The following WDR77 variants were observed in gnomAD, a reference collection of about 807,000 sequenced individuals.
WDR77 encodes WD repeat domain 77, also known as methylosome protein WDR77.
Under a neutral mutation model 44.0 loss-of-function variants are expected in WDR77, and 31 were observed. The ratio of observed to expected loss-of-function variants is 0.70; its 90% confidence interval spans 0.53 to 0.95. The LOEUF is 0.95. Ranked by LOEUF, WDR77 falls within the 40% of genes least tolerant of loss-of-function variation. The pLI, the probability that WDR77 is intolerant of heterozygous loss-of-function variation, is 0.00. For missense variants in WDR77, 390 were observed against 423.9 expected (o/e 0.92, Z 0.70); for synonymous variants, 186 against 165.7 (o/e 1.12, Z -0.94).
At chr1:111,445,441 G>A (rs1471524131) in intron 4 of WDR77, among the ~76,000 whole-genome samples, 1 of 152,168 alleles carries the variant, frequency 6.6e-6, no homozygotes, top group Non-Finnish European at 1.5e-5. Flanking sequence ...GTGTACAAAA[G>A]ATGAATACAT....
At chr1:111,442,181 G>A in intron 8 of WDR77, 88 bp from the exon 9 acceptor site, 1 of 1,328,842 alleles carries the variant, frequency 7.5e-7, no homozygotes, top group Non-Finnish European at 1.1e-6. Flanking sequence ...CCACTGTAAA[G>A]TGACCCAGGA....
Position 111,446,915 on chromosome 1 carries a change from AAAAG to A in WDR77, c.493+176_493+179del, listed in dbSNP as rs1388505688. On this transcript the variant is annotated intron_variant, in intron 4 of 9. Transcript: ENST00000235090. ...TGCACTTGACTAGTCGAATTAAAAA[AAAAG>A]AAAGAAAGAAACAAGGAAATTGAGA... is the stretch of plus-strand genomic sequence containing the variant. 4 of 653,564 alleles carry A rather than the reference AAAAG, an allele frequency of 6.1e-6. 1 individual carries two copies. The highest frequency in any genetic ancestry group is 4.2e-5 in the South Asian group (2 of 47,368). The allele number at this position is 653,564 out of a possible 1,614,324, so 40.5% of individuals were successfully genotyped here.
At position 111,443,390 on chromosome 1, in the gene WDR77, G is replaced by A; in HGVS notation, c.624C>T (p.Cys208=). 1 of 1,552,266 alleles carries A rather than the reference G, an allele frequency of 6.4e-7. No individual in the cohort carries two copies. ...RCPKPASQIG[C]SAPGYLPTSL... is the part of the protein sequence containing the mutation. ...AGGTAGGAAGGTAGCCAGGCGCACTGCAGCCTGCAAAGGAGAGACGAGGGT... is the reference window on the plus strand; with the variant it reads ...AGGTAGGAAGGTAGCCAGGCGCACTACAGCCTGCAAAGGAGAGACGAGGGT... Residue 208 remains cysteine, a synonymous_variant, in exon 7 of 10, where the codon TGC becomes TGT. Coordinates refer to ENST00000235090, the MANE Select transcript of WDR77 (RefSeq NM_024102.4).
Position 111,444,120 on chromosome 1 carries a change from A to G in WDR77, c.498T>C (p.His166=), listed in dbSNP as rs140605549. 17 of 1,613,842 alleles carry G rather than the reference A, an allele frequency of 1.1e-5. No individual in the cohort carries two copies. The African/African-American group carries it at 2.3e-4, about 22-fold the overall frequency. The change falls in exon 5 of 10, where the codon CAT becomes CAC. Residue 166 remains histidine, a synonymous_variant. Transcript: ENST00000235090. ...CAGCAACACAAGTGACCTGAGCAGC[A>G]TGAGCTATAAAGGAGAGAGAAAGAG... The part of the protein sequence containing the change: ...QQVVLSSYRA[H]AAQVTCVAAS...
intron 1 of WDR77, 125 bp downstream of exon 1, chr1:111,448,930 G>T: frequency 6.5e-7 from 1 of 1,539,886 alleles, no homozygotes; most frequent in Non-Finnish European, 8.7e-7. Flanking sequence ...GCTGGGGACA[G>T]CTCGGTGACG....
intron 9 of WDR77, chr1:111,441,669 A>G: frequency 9.4e-7 from 1 of 1,065,148 alleles, no homozygotes; most frequent in Non-Finnish European, 1.2e-6. Flanking sequence ...GGAGGGAAGT[A>G]CAATTCAGGT....
At position 111,449,210 on chromosome 1, in the gene WDR77, C is replaced by G. The variant is rs866834195; in HGVS notation, c.-41G>C. 12 of 1,539,438 alleles carry G rather than the reference C, an allele frequency of 7.8e-6. No homozygotes were observed. In the Middle Eastern group the frequency reaches 1.5e-3, roughly 194 times the overall value. On this transcript the variant is annotated 5_prime_UTR_variant, in exon 1 of 10. Transcript: ENST00000235090. The stretch of plus-strand genomic sequence containing the variant: ...TCCAACCTAGACTCAAACTGGACGC[C>G]GGCCGGAGACTCCGCTCCGGCAGCA...
chr1:111,445,670 A>G (rs1652994785), intron 4 of WDR77, among the ~76,000 whole-genome samples: 1 of 152,264 alleles, frequency 6.6e-6, no homozygotes, highest in African/African-American at 2.4e-5. Flanking sequence ...AACTAACAAA[A>G]AGGCTGCATG....
chr1:111,448,617 A>G lies in WDR77; in HGVS notation c.301+2T>C, dbSNP rs1653158000. On this transcript the variant is annotated splice_donor_variant, in intron 2 of 9. Transcript: ENST00000235090. LOFTEE classifies it high-confidence loss of function. Reference sequence around the variant, plus strand: ...GGGGTGGATAATGGGATAGTGACTCACCTGAATCGGAGGCCACTAGAATAC... The same window carrying G: ...GGGGTGGATAATGGGATAGTGACTCGCCTGAATCGGAGGCCACTAGAATAC... 6.2e-7 allele frequency: 1 copy of G among 1,613,896 alleles called. No homozygotes were observed. The highest frequency in any genetic ancestry group is 8.5e-7 in the Non-Finnish European group (1 of 1,179,994).
chr1:111,443,324 A>G lies in WDR77; in HGVS notation c.690T>C (p.Phe230=). ...ATGAAGTCTGACACGCTGCCTTACC[A>G]AAGACAAAGACTTCACTTTGCTGAG... ...WHPQQSEVFV[F]GDENGTVSLV... The change falls in exon 7 of 10, where the codon TTT becomes TTC. Residue 230 remains phenylalanine (F), a splice_region_variant and synonymous_variant. Transcript: ENST00000235090. 6.4e-7 allele frequency: 1 copy of G among 1,551,542 alleles called. No individual in the cohort carries two copies. Among genetic ancestry groups the G allele is most frequent in the Non-Finnish European group, 8.7e-7 (1 of 1,146,938 alleles).
At chr1:111,443,988 C>G (rs1235797179) in intron 5 of WDR77, 66 bp downstream of exon 5, 3 of 1,612,848 alleles carry the variant, frequency 1.9e-6, no homozygotes, top group Admixed American at 3.3e-5. Context: ...CAGAAAGTCT[C>G]CCCACTAGAG....
chr1:111,447,332 G>A, intron 3 of WDR77, 103 bp downstream of exon 3: 1 of 1,545,136 alleles, frequency 6.5e-7, no homozygotes, highest in Non-Finnish European at 8.8e-7. Context: ...ATAAGTCACT[G>A]GATTCTTAGA....
In WDR77 at chr1:111,441,108, T is replaced by C. The variant is rs774547424; in HGVS notation, c.*122A>G. The C allele has an allele frequency of 2.8e-4, 305 of 1,105,438 alleles. 1 individual carries two copies. The highest frequency in any genetic ancestry group is 3.5e-4 in the Non-Finnish European group (292 of 838,562). The allele number at this position is 1,105,438 out of a possible 1,614,324, so 68.5% of individuals were successfully genotyped here. A position where few individuals can be genotyped will look rare whatever the true frequency, so the allele number is the denominator to read the frequency against. On this transcript the variant is annotated 3_prime_UTR_variant, in exon 10 of 10. Coordinates refer to ENST00000235090, the MANE Select transcript of WDR77 (RefSeq NM_024102.4). ...CCTCAGGCTGAGAGACGATGCCTAT[T>C]AACGGCACAGATCTAGCATATCAAC...
rs1653189744 is a variant in WDR77 at position 111,449,042 on chromosome 1, G to A, written c.115+13C>T. ...GGGGTAAGGGAGCTCCCAGGCCCGG[G>A]ATCTCGGCTCACCGGACCGGTACCG... On this transcript the variant is annotated intron_variant, in intron 1 of 9. Transcript: ENST00000235090. The A allele has an allele frequency of 1.9e-6, 3 of 1,572,540 alleles. No individual in the cohort carries two copies. The highest frequency in any genetic ancestry group is 2.6e-6 in the Non-Finnish European group (3 of 1,160,640).
At chr1:111,448,185 T>TGGG (rs1653131452) in intron 2 of WDR77, among the ~76,000 whole-genome samples, 1 of 147,218 alleles carries the variant, frequency 6.8e-6, no homozygotes, top group Non-Finnish European at 1.5e-5. Flanking sequence ...ATTCTGATTT[T>TGGG]AAAAAAAAAA....
chr1:111,440,947 A>C lies in WDR77; in HGVS notation c.*283T>G. On this transcript the variant is annotated 3_prime_UTR_variant, in exon 10 of 10. Transcript: ENST00000235090. ...GTGAGAGAGAGGCAGTGCTTAGGGA[A>C]GATGTAGGATGGATTTTTTTTATTC... The C allele has an allele frequency of 4.7e-6, 1 of 215,012 alleles. No individual in the cohort carries two copies. The highest frequency in any genetic ancestry group is 9.1e-6 in the Non-Finnish European group (1 of 110,090). 13.3% of individuals were successfully genotyped at this position (215,012 alleles called of 1,614,324 possible).
Position 111,449,054 on chromosome 1 carries a change from C to G in WDR77, c.115+1G>C. 1 of 1,584,860 alleles carries G rather than the reference C, an allele frequency of 6.3e-7. No homozygotes were observed. Among genetic ancestry groups the G allele is most frequent in the Non-Finnish European group, 8.6e-7 (1 of 1,166,910 alleles). On this transcript the variant is annotated splice_donor_variant, in intron 1 of 9. Transcript: ENST00000235090. LOFTEE classifies it high-confidence loss of function. The stretch of plus-strand genomic sequence containing the variant: ...CTCCCAGGCCCGGGATCTCGGCTCA[C>G]CGGACCGGTACCGCGCAGCCTCCAA...
intron 9 of WDR77, chr1:111,441,632 G>C: frequency 7.9e-7 from 1 of 1,258,676 alleles, no homozygotes; most frequent in South Asian, 2.6e-5. Context: ...GTGATGAGGG[G>C]CAGTAACAGG....
chr1:111,447,496 CAAT>C lies in WDR77; in HGVS notation c.379_381del (p.Ile127del), dbSNP rs1653093148. ...GAGCTCAAGACACTGACTGTAGACA[CAAT>C]GTCATCATGCTCATACTTGCAGAAC... is the stretch of plus-strand genomic sequence containing the variant. On this transcript the variant is annotated inframe_deletion, in exon 3 of 10. Transcript: ENST00000235090. 1 of 1,614,068 alleles carries C rather than the reference CAAT, an allele frequency of 6.2e-7. No individual in the cohort carries two copies.
Sources: allele counts gnomAD v4.1 joint callset (sites outside exome capture counted in the v4.1 genomes callset), GRCh38; gene constraint gnomAD v4.1.1; transcripts MANE v1.5; gene names NCBI Gene and HGNC (gene_info 2026-07-23, HGNC 2026-07-21).